FGGY: variants seen among roughly 807,000 people sequenced by gnomAD.
The protein encoded by FGGY is FGGY carbohydrate kinase domain containing.
In FGGY, 72 loss-of-function variants were observed where a neutral mutation model predicts 71.3. That is an observed-to-expected ratio of 1.01 (90% CI 0.84 to 1.23). The LOEUF (loss-of-function observed/expected upper bound fraction) is 1.23, where lower values mean the gene tolerates loss of function less well. Ranked by LOEUF, FGGY falls within the 50% of genes most tolerant of loss-of-function variation. The probability of loss-of-function intolerance (pLI) is 0.00; values close to 1 mark genes in which losing one functional copy is unlikely to be tolerated. For synonymous variants in FGGY, 251 were observed against 250.3 expected (o/e 1.00, Z -0.02); for missense variants, 668 against 682.3 (o/e 0.98, Z 0.23).
rs74847513 is a variant in FGGY, at chr1:59,449,186, T to A, written c.555-7775T>A. On this transcript the variant is annotated intron_variant, in intron 5 of 15. Transcript: ENST00000303721. The stretch of plus-strand genomic sequence containing the variant: ...GTGAATTGACCCTTTTCTCAATATG[T>A]AATGTACCTGTTTATTCCTGGTAAC... 5.6e-3 allele frequency among the ~76,000 whole-genome samples: 856 copies of A among 152,376 alleles called. 7 individuals carry two copies. The highest frequency in any genetic ancestry group is 0.02 in the African/African-American group (828 of 41,588).
intron 8 of FGGY, among the ~76,000 whole-genome samples, chr1:59,586,117 C>G (rs577978155): frequency 4.1e-4 from 63 of 152,264 alleles, no homozygotes; most frequent in African/African-American, 1.4e-3. Context: ...CCTCAGGGAT[C>G]TAGAACTAGA....
At chr1:59,683,303 C>T (rs764080913) in intron 14 of FGGY, among the ~76,000 whole-genome samples, 23 of 152,184 alleles carry the variant, frequency 1.5e-4, no homozygotes, top group Non-Finnish European at 2.5e-4. Flanking sequence ...TCAGATCTTA[C>T]TCCAAAGTCC....
At chr1:59,658,319 T>A (rs1467596625) in intron 11 of FGGY, among the ~76,000 whole-genome samples, 2 of 152,238 alleles carry the variant, frequency 1.3e-5, no homozygotes, top group Non-Finnish European at 2.9e-5. Flanking sequence ...GGAAACTTTG[T>A]GAAGGATGTT....
chr1:59,660,244 A>G lies in FGGY; in HGVS notation c.1247A>G (p.Asp416Gly). The G allele has an allele frequency of 6.2e-7, 1 of 1,613,544 alleles. No homozygotes were observed. The highest frequency in any genetic ancestry group is 8.5e-7 in the Non-Finnish European group (1 of 1,179,994). ...GTCACCGGATTGAAACTGTCTCAGG[A>G]CCTTGATGATCTTGCCATTCTCTAC... ...GMVTGLKLSQ[D>G]LDDLAILYLA... Residue 416 changes from aspartate (D) to glycine (G), a missense_variant, in exon 12 of 16, where the codon GAC (aspartate) becomes GGC (glycine). Asp to Gly is a moderately conservative substitution (Grantham distance 94). This residue lies in a region of FGGY where 661 missense variants were observed against 661.6 expected (regional missense o/e 1.00). Transcript: ENST00000303721.
intron 8 of FGGY, among the ~76,000 whole-genome samples, chr1:59,575,429 T>A (rs1411569785): frequency 3.9e-5 from 6 of 152,206 alleles, no homozygotes; most frequent in African/African-American, 1.4e-4. Flanking sequence ...TCACTGCAAA[T>A]GACAGAATTT....
chr1:59,641,264 T>G, intron 11 of FGGY: 1 of 1,603,458 alleles, frequency 6.2e-7, no homozygotes, highest in Non-Finnish European at 8.5e-7. Flanking sequence ...AAAGAAAATT[T>G]TCTCGGATTT....
chr1:59,509,356 C>T (rs1232930447), intron 6 of FGGY, among the ~76,000 whole-genome samples: 1 of 152,138 alleles, frequency 6.6e-6, no homozygotes, highest in African/African-American at 2.4e-5. Flanking sequence ...TTCCCTAACC[C>T]CAGTCTATCC....
chr1:59,602,814 A>G (rs1056793416), intron 8 of FGGY, among the ~76,000 whole-genome samples: 3 of 151,846 alleles, frequency 2.0e-5, no homozygotes, highest in African/African-American at 7.3e-5. Flanking sequence ...CTCCTCTCTT[A>G]CCTTTTTGTA....
intron 6 of FGGY, among the ~76,000 whole-genome samples, chr1:59,505,558 A>G (rs2094356798): frequency 6.6e-6 from 1 of 152,140 alleles, no homozygotes; most frequent in African/African-American, 2.4e-5. Context: ...GCAGGGTCAC[A>G]TGCCACCCAT....
chr1:59,640,261 G>A (rs1438072577), intron 11 of FGGY, among the ~76,000 whole-genome samples: 1 of 152,146 alleles, frequency 6.6e-6, no homozygotes, highest in Non-Finnish European at 1.5e-5. Flanking sequence ...TAAGATAGAA[G>A]GAAAGCAATT....
chr1:59,584,471 G>C (rs957047751), intron 8 of FGGY, among the ~76,000 whole-genome samples: 4 of 149,596 alleles, frequency 2.7e-5, no homozygotes, highest in East Asian at 3.9e-4. Flanking sequence ...ATTCAACAAC[G>C]CTTCATGCTA....
intron 14 of FGGY, among the ~76,000 whole-genome samples, chr1:59,747,864 T>A (rs1195172671): frequency 6.6e-6 from 1 of 152,322 alleles, no homozygotes. Flanking sequence ...TGTCATGAAC[T>A]AAAGCTGGAG....
chr1:59,335,727 T>C (rs1208694713), intron 2 of FGGY, among the ~76,000 whole-genome samples: 2 of 152,182 alleles, frequency 1.3e-5, no homozygotes, highest in African/African-American at 4.8e-5. Flanking sequence ...CAGTAGTATC[T>C]TATTGTGATT....
At chr1:59,438,268 C>T (rs1052568246) in intron 5 of FGGY, among the ~76,000 whole-genome samples, 2 of 152,310 alleles carry the variant, frequency 1.3e-5, no homozygotes, top group African/African-American at 4.8e-5. Flanking sequence ...AGCCTGTTTG[C>T]AAAGCCTTTG....
intron 1 of FGGY, among the ~76,000 whole-genome samples, chr1:59,300,906 T>G (rs1167592400): frequency 6.6e-6 from 1 of 152,242 alleles, no homozygotes; most frequent in Non-Finnish European, 1.5e-5. Context: ...AATCAGGTAG[T>G]ATAAGTCCTT....
intron 7 of FGGY, among the ~76,000 whole-genome samples, chr1:59,540,951 C>CA (rs1473830476): frequency 8.5e-5 from 13 of 152,160 alleles, no homozygotes; most frequent in African/African-American, 3.1e-4. Context: ...TTGCTATACT[C>CA]ATAATCATGA....
At chr1:59,540,347 A>G (rs1371740961) in intron 7 of FGGY, among the ~76,000 whole-genome samples, 5 of 152,242 alleles carry the variant, frequency 3.3e-5, no homozygotes, top group African/African-American at 1.2e-4. Flanking sequence ...TCCCATCAAT[A>G]ATAGAATTCA....
chr1:59,331,177 A>G (rs371609266), intron 2 of FGGY, among the ~76,000 whole-genome samples: 4 of 152,252 alleles, frequency 2.6e-5, no homozygotes, highest in Admixed American at 1.3e-4. Flanking sequence ...AACAATGGAG[A>G]GGAAGGAGGT....
rs2054749284 is a variant in FGGY, at chr1:59,358,363, A to G, written c.465+11965A>G. 2.0e-5 allele frequency among the ~76,000 whole-genome samples: 3 copies of G among 152,302 alleles called. No individual in the cohort carries two copies. In the South Asian group the frequency reaches 6.2e-4, roughly 32 times the overall value. On this transcript the variant is annotated intron_variant, in intron 4 of 15. Coordinates refer to ENST00000303721, the MANE Select transcript of FGGY (RefSeq NM_018291.5). ...TCAGTGAAAGAAACTTTTGTCTGGT[A>G]ACTACTAGGTACAAAGTACTGTGCT...
Sources: gnomAD v4.1 joint callset for allele counts (sites outside exome capture counted in the v4.1 genomes callset) on GRCh38, gnomAD v4.1.1 for gene constraint, gnomAD v4.1.1 regional missense constraint, MANE v1.5 for transcripts, NCBI Gene and HGNC (gene_info 2026-07-23, HGNC 2026-07-21) for gene names.